Variants in HS3ST4 observed in about 807,000 individuals in gnomAD.
The protein encoded by HS3ST4 is heparan sulfate glucosamine 3-O-sulfotransferase 4.
A neutral mutation model predicts 29.2 loss-of-function variants in HS3ST4; 17 were observed. That is an observed-to-expected ratio of 0.58 (90% CI 0.40 to 0.87). The LOEUF (loss-of-function observed/expected upper bound fraction) is 0.87. HS3ST4 is among the 40% of genes least tolerant of loss of function. HS3ST4 has a pLI of 0.00. For synonymous variants in HS3ST4, 314 were observed against 285.7 expected (o/e 1.10, Z -1.00); for missense variants, 627 against 634.5 (o/e 0.99, Z 0.13).
chr16:25,786,209 C>G (rs1966857477), intron 1 of HS3ST4, among the ~76,000 whole-genome samples: 1 of 152,070 alleles, frequency 6.6e-6, no homozygotes, highest in Non-Finnish European at 1.5e-5. Flanking sequence ...GGGTAGAAGA[C>G]TGGGTTGATC....
At chr16:26,094,143 G>A (rs1182865345) in intron 1 of HS3ST4, among the ~76,000 whole-genome samples, 1 of 152,212 alleles carries the variant, frequency 6.6e-6, no homozygotes, top group Non-Finnish European at 1.5e-5. Context: ...TTTGATTGGT[G>A]TACCTGAAAG....
intron 1 of HS3ST4, among the ~76,000 whole-genome samples, chr16:25,737,886 A>G (rs1056698655): frequency 4.0e-5 from 6 of 148,416 alleles, no homozygotes; most frequent in Non-Finnish European, 3.0e-5. Context: ...TGAGGAAACC[A>G]TGTAGATACC....
At chr16:25,961,817 T>C (rs1596627669) in intron 1 of HS3ST4, among the ~76,000 whole-genome samples, 3 of 83,704 alleles carry the variant, frequency 3.6e-5, no homozygotes, top group African/African-American at 1.9e-4. Flanking sequence ...AAAAAAAAAT[T>C]AATGACCTAA....
chr16:25,857,936 C>CTTTCTTTCTT (rs1967595539), intron 1 of HS3ST4, among the ~76,000 whole-genome samples: 1 of 50,466 alleles, frequency 2.0e-5, no homozygotes, highest in South Asian at 8.2e-4. Flanking sequence ...TTCTTTCTTT[C>CTTTCTTTCTT]TTTCTTTCTT....
At chr16:26,063,398 A>G (rs1898503749) in intron 1 of HS3ST4, among the ~76,000 whole-genome samples, 1 of 152,128 alleles carries the variant, frequency 6.6e-6, no homozygotes, top group Non-Finnish European at 1.5e-5. Context: ...TGATAAGGAG[A>G]AAATGAGTCT....
intron 1 of HS3ST4, among the ~76,000 whole-genome samples, chr16:26,088,286 C>T (rs1013368287): frequency 6.6e-6 from 1 of 152,278 alleles, no homozygotes; most frequent in South Asian, 2.1e-4. Flanking sequence ...CCCAGTCCTC[C>T]CAGGGATTGT....
intron 1 of HS3ST4, among the ~76,000 whole-genome samples, chr16:25,724,365 C>CT (rs111516910): frequency 3.2e-4 from 46 of 142,712 alleles, no homozygotes; most frequent in African/African-American, 6.4e-4. Flanking sequence ...CTCCCCTCAA[C>CT]TTTTTTTTTT....
chr16:26,136,118 G>A lies in HS3ST4; in HGVS notation c.1241G>A (p.Gly414Asp). 1 of 1,613,600 alleles carries A rather than the reference G, an allele frequency of 6.2e-7. No homozygotes were observed. Among genetic ancestry groups the A allele is most frequent in the South Asian group, 1.1e-5 (1 of 91,014 alleles). The change falls in exon 2 of 2, where the codon GGT becomes GAT. Residue 414 changes from glycine (G) to aspartate (D), a missense_variant. This residue lies in a region of HS3ST4 where 225 missense variants were observed against 293.7 expected (regional missense o/e 0.77). Transcript: ENST00000331351. Reference protein sequence around the residue: ...SAPRCLGKSKGRTHPRIDPDV... With the variant: ...SAPRCLGKSKDRTHPRIDPDV... The stretch of plus-strand genomic sequence containing the variant: ...CCGAGGTGCTTAGGCAAGAGCAAAG[G>A]TCGGACTCATCCTCGCATTGACCCA...
chr16:25,845,646 T>C (rs1372201942), intron 1 of HS3ST4, among the ~76,000 whole-genome samples: 1 of 60,850 alleles, frequency 1.6e-5, no homozygotes, highest in Non-Finnish European at 3.2e-5. Context: ...AGGAATAGCA[T>C]GTAATAATAA....
rs147261354 is a variant in HS3ST4 at position 26,098,404 on chromosome 16, G to A, written c.735-37208G>A. ...ATGCACCATGGAATACTATGCAGCC[G>A]TAAAAAAGGGTGAGTTCATGTCCTT... is the stretch of plus-strand genomic sequence containing the variant. On this transcript the variant is annotated intron_variant, in intron 1 of 1. Coordinates refer to ENST00000331351, the MANE Select transcript of HS3ST4 (RefSeq NM_006040.3). Among the ~76,000 whole-genome samples, 528 of 152,186 alleles carry A rather than the reference G, an allele frequency of 3.5e-3. 2 individuals carry two copies. The highest frequency in any genetic ancestry group is 0.012 in the African/African-American group (502 of 41,526).
chr16:25,828,300 C>CTTTA (rs1567249517), intron 1 of HS3ST4, among the ~76,000 whole-genome samples: 1 of 56,770 alleles, frequency 1.8e-5, no homozygotes, highest in Admixed American at 2.4e-4. Context: ...TTCTTTCTTT[C>CTTTA]CCTCTCTCTC....
intron 1 of HS3ST4, among the ~76,000 whole-genome samples, chr16:26,134,364 T>TC (rs1898252562): frequency 6.9e-6 from 1 of 144,326 alleles, no homozygotes; most frequent in African/African-American, 2.6e-5. Context: ...TTTCTTTTCT[T>TC]TTTTTTTTTT....
At chr16:25,964,979 G>A (rs1166984500) in intron 1 of HS3ST4, among the ~76,000 whole-genome samples, 3 of 152,020 alleles carry the variant, frequency 2.0e-5, no homozygotes, top group Non-Finnish European at 2.9e-5. Context: ...CTATATGCCA[G>A]GCAATAGGCT....
chr16:26,052,823 C>CT (rs1055227151), intron 1 of HS3ST4, among the ~76,000 whole-genome samples: 3 of 152,212 alleles, frequency 2.0e-5, no homozygotes, highest in African/African-American at 7.2e-5. Context: ...TTTCTGTGCT[C>CT]TTTTTTGCTC....
chr16:26,123,708 T>C (rs1460932976), intron 1 of HS3ST4, among the ~76,000 whole-genome samples: 1 of 152,156 alleles, frequency 6.6e-6, no homozygotes, highest in Non-Finnish European at 1.5e-5. Context: ...CCATTATTCA[T>C]TCTTATGGCT....
intron 1 of HS3ST4, among the ~76,000 whole-genome samples, chr16:25,931,486 C>T (rs547553565): frequency 6.6e-6 from 1 of 152,172 alleles, no homozygotes; most frequent in Non-Finnish European, 1.5e-5. Flanking sequence ...ATGTATTGAC[C>T]CAGCTGTGAG....
At chr16:25,707,164 A>G (rs1297511517) in intron 1 of HS3ST4, among the ~76,000 whole-genome samples, 2 of 152,168 alleles carry the variant, frequency 1.3e-5, no homozygotes, top group Admixed American at 6.6e-5. Flanking sequence ...TTACTTAATG[A>G]TGGCCCCAGA....
At chr16:26,099,791 A>G (rs951141161) in intron 1 of HS3ST4, among the ~76,000 whole-genome samples, 7 of 152,174 alleles carry the variant, frequency 4.6e-5, no homozygotes, top group Non-Finnish European at 7.3e-5. Flanking sequence ...AAACACACAG[A>G]CATACACATG....
chr16:25,751,073 G>A (rs375854263), intron 1 of HS3ST4, among the ~76,000 whole-genome samples: 3 of 152,250 alleles, frequency 2.0e-5, no homozygotes, highest in South Asian at 2.1e-4. Context: ...TCATAGATAC[G>A]TAAAGAATTG....
Sources: gnomAD v4.1 joint callset for allele counts (sites outside exome capture counted in the v4.1 genomes callset) on GRCh38, gnomAD v4.1.1 for gene constraint, gnomAD v4.1.1 regional missense constraint, MANE v1.5 for transcripts, NCBI Gene and HGNC (gene_info 2026-07-23, HGNC 2026-07-21) for gene names.